Variants in LRRC7 observed in about 807,000 individuals in gnomAD.
LRRC7 encodes leucine rich repeat containing 7.
Under a neutral mutation model 175.7 loss-of-function variants are expected in LRRC7, and 23 were observed. The ratio of observed to expected loss-of-function variants is 0.13; its 90% CI spans 0.09 to 0.19. LRRC7 has a LOEUF of 0.19. Among genes scored for constraint, LRRC7 ranks in the 10% least tolerant of loss-of-function variants. The pLI, the probability that LRRC7 is intolerant of heterozygous loss-of-function variation, is 1.00. For synonymous variants in LRRC7, 685 were observed against 680.9 expected (o/e 1.01, Z -0.09); for missense variants, 1,354 against 1,904.7 (o/e 0.71, Z 5.38).
intron 7 of LRRC7, among the ~76,000 whole-genome samples, chr1:69,923,474 C>G (rs373612461): frequency 6.6e-6 from 1 of 151,518 alleles, no homozygotes; most frequent in Admixed American, 6.6e-5. Flanking sequence ...TCCTCTCCAG[C>G]ACCTGTTGTT....
chr1:69,704,945 T>C (rs901512999), intron 2 of LRRC7, among the ~76,000 whole-genome samples: 1 of 152,168 alleles, frequency 6.6e-6, no homozygotes, highest in Admixed American at 6.5e-5. Flanking sequence ...TCATTTGTAA[T>C]CACATGTCCT....
At chr1:69,923,552 A>G (rs1646959424) in intron 7 of LRRC7, among the ~76,000 whole-genome samples, 1 of 151,236 alleles carries the variant, frequency 6.6e-6, no homozygotes, top group Admixed American at 6.6e-5. Flanking sequence ...TTTGATTTGC[A>G]TTTCTGTGAG....
chr1:69,983,276 C>A (rs753899737), intron 9 of LRRC7, among the ~76,000 whole-genome samples: 1 of 152,298 alleles, frequency 6.6e-6, no homozygotes, highest in African/African-American at 2.4e-5. Context: ...CACTCTGCAC[C>A]CACATGGGAA....
intron 10 of LRRC7, among the ~76,000 whole-genome samples, chr1:69,993,906 A>C (rs1396195759): frequency 6.6e-6 from 1 of 152,150 alleles, no homozygotes; most frequent in Non-Finnish European, 1.5e-5. Context: ...TGCTCATTAA[A>C]ACCCTGGGAA....
Position 69,905,314 on chromosome 1 carries a change from T to A in LRRC7, c.648-26193T>A, listed in dbSNP as rs138416159. On this transcript the variant is annotated intron_variant, in intron 7 of 26. Coordinates refer to ENST00000651989, the MANE Select transcript of LRRC7 (RefSeq NM_001370785.2). ...GGTACATGTGCACAATGTGCAGGTT[T>A]GTTACATATGTATACATGTGCCATG... Among the ~76,000 whole-genome samples the A allele has an allele frequency of 8.1e-3, 1,238 of 152,160 alleles. 15 individuals are homozygous for A. The highest frequency in any genetic ancestry group is 0.027 in the African/African-American group (1,134 of 41,500).
chr1:69,826,457 A>T (rs1679924153), intron 5 of LRRC7, among the ~76,000 whole-genome samples: 1 of 152,192 alleles, frequency 6.6e-6, no homozygotes, highest in Non-Finnish European at 1.5e-5. Flanking sequence ...CATATGGAGT[A>T]GTGACAGAAG....
chr1:69,895,538 T>C (rs1645955656), intron 7 of LRRC7, among the ~76,000 whole-genome samples: 2 of 152,192 alleles, frequency 1.3e-5, no homozygotes, highest in South Asian at 4.1e-4. Context: ...AAAGCATCAC[T>C]GTAATTAAGA....
At position 69,803,159 on chromosome 1, in the gene LRRC7, T is replaced by C. The variant is rs146568121; in HGVS notation, c.421+10999T>C. Among the ~76,000 whole-genome samples, 27 of 151,554 alleles carry C rather than the reference T, an allele frequency of 1.8e-4. 1 individual carries two copies. Among genetic ancestry groups the C allele is most frequent in the Non-Finnish European group, 1.2e-4 (8 of 67,452 alleles). On this transcript the variant is annotated intron_variant, in intron 4 of 26. Transcript: ENST00000651989. ...TATTACAACATTGTTCTAATCACTA[T>C]AATCTAATATTCAGTCTTAATATCT...
chr1:69,812,807 T>C (rs1047085555), intron 4 of LRRC7, among the ~76,000 whole-genome samples: 2 of 152,154 alleles, frequency 1.3e-5, no homozygotes, highest in African/African-American at 2.4e-5. Context: ...ACAATTTTTA[T>C]GCACTTGAGA....
intron 2 of LRRC7, among the ~76,000 whole-genome samples, chr1:69,718,645 C>T (rs1413761351): frequency 1.3e-5 from 2 of 151,714 alleles, no homozygotes; most frequent in Admixed American, 6.6e-5. Flanking sequence ...AACATTGCCA[C>T]AGATAGAACT....
At chr1:69,814,632 T>C (rs958306709) in intron 4 of LRRC7, among the ~76,000 whole-genome samples, 1 of 152,186 alleles carries the variant, frequency 6.6e-6, no homozygotes, top group African/African-American at 2.4e-5. Context: ...CCTGTGCTTT[T>C]AACCACTACA....
chr1:69,842,548 G>C (rs555029082), intron 7 of LRRC7, among the ~76,000 whole-genome samples: 1 of 152,136 alleles, frequency 6.6e-6, no homozygotes, highest in Non-Finnish European at 1.5e-5. Context: ...CTGACTAAGA[G>C]AGGAATGTTT....
At chr1:70,092,008 G>T (rs984982774) in intron 25 of LRRC7, among the ~76,000 whole-genome samples, 1 of 152,028 alleles carries the variant, frequency 6.6e-6, no homozygotes, top group Non-Finnish European at 1.5e-5. Context: ...GGACACTTTG[G>T]TTAACTGTTC....
At position 69,654,758 on chromosome 1, in the gene LRRC7, G is replaced by A. The variant is rs930794932; in HGVS notation, c.3-23623G>A. Among the ~76,000 whole-genome samples the A allele has an allele frequency of 5.3e-5, 8 of 152,204 alleles. 1 individual carries two copies. ...ACATATTATCTTTCTTCAAACAAGT[G>A]AGACAAAAGTTGAGACAAGTTAATA... On this transcript the variant is annotated intron_variant, in intron 1 of 26. Transcript: ENST00000651989.
In LRRC7 at chr1:70,129,287, T is replaced by G. The variant is rs1666572297; in HGVS notation, c.*7400T>G. ...AGTGTCACGAAAAGTGTGAGCTAGA[T>G]GAATATTTGCCAGGATTTAGGGCAA... On this transcript the variant is annotated 3_prime_UTR_variant, in exon 27 of 27. Transcript: ENST00000651989. 6.6e-6 allele frequency among the ~76,000 whole-genome samples: 1 copy of G among 150,544 alleles called. No homozygotes were observed. Among genetic ancestry groups the G allele is most frequent in the Admixed American group, 6.6e-5 (1 of 15,098 alleles).
chr1:69,777,508 C>T (rs1411774324), intron 3 of LRRC7, among the ~76,000 whole-genome samples: 4 of 152,154 alleles, frequency 2.6e-5, no homozygotes, highest in Non-Finnish European at 5.9e-5. Context: ...GCTACGATGC[C>T]AGCTCAGCCC....
Position 70,013,007 on chromosome 1 carries a change from C to G in LRRC7, c.1168C>G (p.Leu390Val). 1 of 1,584,394 alleles carries G rather than the reference C, an allele frequency of 6.3e-7. No individual in the cohort carries two copies. The highest frequency in any genetic ancestry group is 8.6e-7 in the Non-Finnish European group (1 of 1,164,466). ...GSCKNVTVMS[L>V]RSNKLEFLPE... ...TTGTAAGAATGTAACAGTCATGTCT[C>G]TACGCTCCAACAAATTAGAATTTCT... Residue 390 changes from leucine to valine, a missense_variant, in exon 13 of 27, where the codon CTA becomes GTA. Leu to Val is a conservative substitution (Grantham distance 32). Transcript: ENST00000651989.
At chr1:70,021,259 G>C in intron 16 of LRRC7, 130 bp downstream of exon 16, 1 of 820,782 alleles carries the variant, frequency 1.2e-6, no homozygotes, top group African/African-American at 1.8e-5. Context: ...TTTCATTACA[G>C]CATGCTGGTA....
intron 2 of LRRC7, among the ~76,000 whole-genome samples, chr1:69,731,945 C>G (rs1305241309): frequency 6.6e-6 from 1 of 151,872 alleles, no homozygotes; most frequent in African/African-American, 2.4e-5. Flanking sequence ...CTAAATTTTC[C>G]CCTTATAGAA....
Sources: gnomAD v4.1 joint callset for allele counts (sites outside exome capture counted in the v4.1 genomes callset) on GRCh38, gnomAD v4.1.1 for gene constraint, MANE v1.5 for transcripts, NCBI Gene and HGNC (gene_info 2026-07-23, HGNC 2026-07-21) for gene names.